The following KIAA0586 variants were observed in gnomAD, a reference collection of about 807,000 sequenced individuals.
KIAA0586 encodes the protein protein TALPID3.
In KIAA0586, 144 loss-of-function variants were observed where a neutral mutation model predicts 169.8. The ratio of observed to expected loss-of-function variants is 0.85; its 90% confidence interval spans 0.74 to 0.97. The LOEUF (loss-of-function observed/expected upper bound fraction) is 0.97, where lower values mean the gene tolerates loss of function less well. KIAA0586 is among the 50% of genes least tolerant of loss of function. The pLI, the probability that KIAA0586 is intolerant of heterozygous loss-of-function variation, is 0.00. For synonymous variants in KIAA0586, 625 were observed against 612.4 expected (o/e 1.02, Z -0.30); for missense variants, 1,854 against 1,823.0 (o/e 1.02, Z -0.31).
At chr14:58,522,075 T>C in intron 29 of KIAA0586, 1 of 751,984 alleles carries the variant, frequency 1.3e-6, no homozygotes, top group Non-Finnish European at 2.3e-6. Flanking sequence ...CCAGATCCTC[T>C]CCCATGGTAT....
At chr14:58,445,743 AT>A (rs2038830556) in intron 6 of KIAA0586, among the ~76,000 whole-genome samples, 1 of 135,488 alleles carries the variant, frequency 7.4e-6, no homozygotes, top group African/African-American at 2.7e-5. Context: ...CTATTTTGGA[AT>A]TTCTAACTCC....
At chr14:58,502,213 G>T (rs1158509581) in intron 27 of KIAA0586, among the ~76,000 whole-genome samples, 1 of 151,896 alleles carries the variant, frequency 6.6e-6, no homozygotes, top group African/African-American at 2.4e-5. Context: ...TCAGCTCACT[G>T]CAACCTCTGC....
intron 24 of KIAA0586, among the ~76,000 whole-genome samples, chr14:58,489,810 A>AT (rs34612922): frequency 1.3e-5 from 2 of 151,566 alleles, no homozygotes; most frequent in African/African-American, 4.9e-5. Context: ...TCTAGAAAGG[A>AT]TTTTTTTTTT....
intron 2 of KIAA0586, 83 bp downstream of exon 2, chr14:58,429,516 G>T (rs2037185208): frequency 1.2e-6 from 1 of 800,016 alleles, no homozygotes; most frequent in African/African-American, 1.7e-5. Context: ...TGTTTGATTA[G>T]CAGCATGCCT....
rs1337588277 is a variant in KIAA0586, at chr14:58,474,774, A to C, written c.2802A>C (p.Thr934=). The change falls in exon 19 of 31, where the codon ACA becomes ACC. Residue 934 remains threonine, a synonymous_variant. Coordinates refer to ENST00000652326, the MANE Select transcript of KIAA0586 (RefSeq NM_001329943.3). ...ILDKVIERKE[T]LENSLIQWVE... is the part of the protein sequence containing the mutation. The stretch of plus-strand genomic sequence containing the variant: ...ATAAAGTAATTGAGAGAAAAGAAAC[A>C]CTGGAAAATAGCTTAATTCAATGGT... 2 of 1,605,254 alleles carry C rather than the reference A, an allele frequency of 1.2e-6. No homozygotes were observed. The highest frequency in any genetic ancestry group is 1.1e-5 in the South Asian group (1 of 89,002).
At chr14:58,555,300 CAT>C (rs1407249222), downstream of KIAA0586, among the ~76,000 whole-genome samples, 1 of 151,888 alleles carries the variant, frequency 6.6e-6, no homozygotes, top group Non-Finnish European at 1.5e-5. Flanking sequence ...AGCGTTTCAC[CAT>C]GTTGGTCAGG....
chr14:58,470,646 A>C lies in KIAA0586; in HGVS notation c.2476A>C (p.Asn826His), dbSNP rs763982126. Residue 826 changes from asparagine to histidine, a missense_variant, in exon 17 of 31, where the codon AAT (asparagine) becomes CAT (histidine). Physicochemically the swap from Asn to His is moderately conservative, Grantham distance 68. Transcript: ENST00000652326. ...LPSVDIDSIS[N>H]SSADVLSPLS... The stretch of plus-strand genomic sequence containing the variant: ...CAGTGTAGATATTGACAGCATTTCA[A>C]ATAGTAGTGCTGATGTCCTTTCACC... The C allele has an allele frequency of 5.0e-6, 8 of 1,608,614 alleles. No individual in the cohort carries two copies. In the African/African-American group the frequency reaches 1.1e-4, roughly 22 times the overall value.
chr14:58,428,170 T>C lies in KIAA0586; in HGVS notation c.-95T>C. On this transcript the variant is annotated 5_prime_UTR_variant, in exon 1 of 31. Transcript: ENST00000652326. ...GGATGTTCGACATTTTAAAAACAGT[T>C]ATTGCAAAGAGGTGAAAATTTTGTT... 1 of 1,498,084 alleles carries C rather than the reference T, an allele frequency of 6.7e-7. No homozygotes were observed. Among genetic ancestry groups the C allele is most frequent in the East Asian group, 2.4e-5 (1 of 40,878 alleles). 92.8% of individuals were successfully genotyped at this position (1,498,084 alleles called of 1,614,324 possible).
At chr14:58,470,503 T>C in intron 16 of KIAA0586, 110 bp from the exon 17 acceptor site, 1 of 454,708 alleles carries the variant, frequency 2.2e-6, no homozygotes, top group Non-Finnish European at 3.7e-6. Flanking sequence ...CATGCTTTGT[T>C]TTTATGTATA....
Position 58,457,894 on chromosome 14 carries a change from G to A in KIAA0586, c.1498G>A (p.Val500Ile). Residue 500 changes from valine to isoleucine, a missense_variant, in exon 11 of 31, where the codon GTA (valine) becomes ATA (isoleucine). Val to Ile is a conservative substitution (Grantham distance 29). Coordinates refer to ENST00000652326, the MANE Select transcript of KIAA0586 (RefSeq NM_001329943.3). ...ILRGVQNNKKVLEENLEAIIR... is the reference protein window; with the variant it reads ...ILRGVQNNKKILEENLEAIIR... ...GAGAGGAGTACAAAACAATAAAAAAGTACTTGAAGAAAACCTGGAAGCTAT... is the reference window on the plus strand; with the variant it reads ...GAGAGGAGTACAAAACAATAAAAAAATACTTGAAGAAAACCTGGAAGCTAT... 1 of 1,606,954 alleles carries A rather than the reference G, an allele frequency of 6.2e-7. No homozygotes were observed. The highest frequency in any genetic ancestry group is 1.1e-5 in the South Asian group (1 of 89,652).
intron 29 of KIAA0586, among the ~76,000 whole-genome samples, chr14:58,517,068 C>A (rs560911316): frequency 5.2e-4 from 79 of 152,092 alleles, no homozygotes; most frequent in African/African-American, 1.9e-3. Flanking sequence ...GAAAATGTTT[C>A]TTTGTGACCT....
intron 29 of KIAA0586, among the ~76,000 whole-genome samples, chr14:58,530,649 C>G (rs954303911): frequency 6.6e-6 from 1 of 152,190 alleles, no homozygotes; most frequent in Non-Finnish European, 1.5e-5. Flanking sequence ...ATGCAGAAAA[C>G]TGAAACTGGA....
intron 6 of KIAA0586, among the ~76,000 whole-genome samples, chr14:58,445,681 A>G (rs574242159): frequency 6.6e-6 from 1 of 150,896 alleles, no homozygotes; most frequent in South Asian, 2.1e-4. Context: ...TGATCCACCC[A>G]TCATGGCCTC....
intron 30 of KIAA0586, chr14:58,543,816 G>A (rs537761984): frequency 1.8e-4 from 78 of 427,188 alleles, no homozygotes; most frequent in South Asian, 7.0e-4. Context: ...TCCGTCTCCC[G>A]TCTCTCTATT....
chr14:58,465,625 C>G (rs548963051), intron 14 of KIAA0586, among the ~76,000 whole-genome samples: 6 of 152,284 alleles, frequency 3.9e-5, no homozygotes, highest in Admixed American at 1.3e-4. Flanking sequence ...GTCATTACAG[C>G]TGAGATCACG....
intron 15 of KIAA0586, 104 bp downstream of exon 15, chr14:58,466,133 C>A: frequency 1.2e-6 from 1 of 807,844 alleles, no homozygotes; most frequent in Non-Finnish European, 1.9e-6. Context: ...TCAGAGTGGT[C>A]TGGAACTCCT....
chr14:58,439,508 T>C (rs941599338), intron 4 of KIAA0586, among the ~76,000 whole-genome samples: 1 of 151,890 alleles, frequency 6.6e-6, no homozygotes, highest in South Asian at 2.1e-4. Context: ...TCTTCATCTG[T>C]AAAATTAGGA....
At chr14:58,443,451 C>T (rs1408152420) in intron 5 of KIAA0586, among the ~76,000 whole-genome samples, 1 of 152,240 alleles carries the variant, frequency 6.6e-6, no homozygotes. Flanking sequence ...GAGACGGAGT[C>T]TCACTCTGTT....
rs773755209 is a variant in KIAA0586, at chr14:58,456,856, A to T, written c.1362+46A>T. Reference sequence around the variant, plus strand: ...AAATTGATGATTAGTTAAGATAAAAATTAAAAAGGAATAAAAGAGTTATAA... The same window carrying T: ...AAATTGATGATTAGTTAAGATAAAATTTAAAAAGGAATAAAAGAGTTATAA... On this transcript the variant is annotated intron_variant, in intron 10 of 30. Coordinates refer to ENST00000652326, the MANE Select transcript of KIAA0586 (RefSeq NM_001329943.3). 9.0e-6 allele frequency: 9 copies of T among 1,003,478 alleles called. 1 individual carries two copies. The South Asian group carries it at 1.3e-4, about 14-fold the overall frequency. 62.2% of individuals were successfully genotyped at this position (1,003,478 alleles called of 1,614,324 possible).
Sources: gnomAD v4.1 joint callset for allele counts (sites outside exome capture counted in the v4.1 genomes callset) on GRCh38, gnomAD v4.1.1 for gene constraint, MANE v1.5 for transcripts, NCBI Gene and HGNC (gene_info 2026-07-23, HGNC 2026-07-21) for gene names.